MAP4: variants seen among roughly 807,000 people sequenced by gnomAD.
The protein encoded by MAP4 is microtubule associated protein 4.
A neutral mutation model predicts 170.2 loss-of-function variants in MAP4; 76 were observed. The ratio of observed to expected loss-of-function variants is 0.45; its 90% CI spans 0.37 to 0.54. The LOEUF (loss-of-function observed/expected upper bound fraction) is 0.54, where lower values mean the gene tolerates loss of function less well. Among genes scored for constraint, MAP4 ranks in the 20% least tolerant of loss-of-function variants. MAP4 has a pLI of 0.00. For synonymous variants in MAP4, 909 were observed against 994.5 expected (o/e 0.91, Z 1.62); for missense variants, 2,506 against 2,748.0 (o/e 0.91, Z 1.97).
intron 10 of MAP4, among the ~76,000 whole-genome samples, chr3:47,896,576 T>A (rs886684396): frequency 6.6e-6 from 1 of 152,050 alleles, no homozygotes; most frequent in African/African-American, 2.4e-5. Context: ...CATATATATA[T>A]ATGAAGTAGG....
At chr3:47,993,453 G>C (rs2100093599) in intron 2 of MAP4, among the ~76,000 whole-genome samples, 1 of 152,170 alleles carries the variant, frequency 6.6e-6, no homozygotes, top group Non-Finnish European at 1.5e-5. Flanking sequence ...TTGACAATTA[G>C]CAGAAACAAT....
chr3:47,924,543 G>A (rs2100044728), intron 4 of MAP4, among the ~76,000 whole-genome samples: 2 of 152,060 alleles, frequency 1.3e-5, no homozygotes. Flanking sequence ...CAACCCATCA[G>A]AAAATCCATT....
chr3:47,912,591 A>G (rs2100036561), intron 8 of MAP4, among the ~76,000 whole-genome samples, 170 bp from the exon 9 acceptor site: 1 of 152,218 alleles, frequency 6.6e-6, no homozygotes, highest in Non-Finnish European at 1.5e-5. Context: ...TTTCTAAAAC[A>G]TTTCTCACTT....
chr3:47,948,357 T>C (rs536070053), intron 3 of MAP4, among the ~76,000 whole-genome samples: 2 of 150,628 alleles, frequency 1.3e-5, no homozygotes, highest in African/African-American at 4.9e-5. Flanking sequence ...CCTCAACATA[T>C]GGAGTAGCTG....
chr3:47,955,698 C>A (rs2100067433), intron 3 of MAP4, among the ~76,000 whole-genome samples: 1 of 152,090 alleles, frequency 6.6e-6, no homozygotes, highest in Admixed American at 6.6e-5. Flanking sequence ...ATTAACATCA[C>A]CAACAATGAA....
chr3:47,957,131 G>A lies in MAP4; in HGVS notation c.292+20734C>T, dbSNP rs2100068296. 3.3e-5 allele frequency among the ~76,000 whole-genome samples: 5 copies of A among 152,204 alleles called. No homozygotes were observed. The South Asian group carries it at 1.0e-3, about 32-fold the overall frequency. On this transcript the variant is annotated intron_variant, in intron 3 of 20. Transcript: ENST00000683076. ...CCACCACCCATGAACTTATATATAA[G>A]TGCCCAATCTACCACCATGACATTC...
chr3:48,041,552 T>C (rs1261930260), intron 1 of MAP4, among the ~76,000 whole-genome samples: 2 of 152,218 alleles, frequency 1.3e-5, no homozygotes, highest in Non-Finnish European at 2.9e-5. Flanking sequence ...CTTCCCAAAC[T>C]GATCTACAGA....
intron 7 of MAP4, among the ~76,000 whole-genome samples, chr3:47,915,435 T>C (rs537318234): frequency 6.6e-6 from 1 of 151,944 alleles, no homozygotes; most frequent in South Asian, 2.1e-4. Flanking sequence ...TTTTTTAAGA[T>C]GGGAAAAATA....
At chr3:47,951,485 G>A (rs531740234) in intron 3 of MAP4, among the ~76,000 whole-genome samples, 3 of 152,166 alleles carry the variant, frequency 2.0e-5, no homozygotes, top group African/African-American at 2.4e-5. Context: ...TAGTGCCTGC[G>A]ATTGCAGACG....
chr3:47,916,604 T>G lies in MAP4; in HGVS notation c.1223A>C (p.Lys408Thr), dbSNP rs1161270891. Residue 408 changes from lysine (K) to threonine (T), a missense_variant, in exon 7 of 21, where the codon AAG (lysine) becomes ACG (threonine). By Grantham distance (78) the Lys-to-Thr change is moderately conservative (BLOSUM62 -1). Around this residue, in one of 3 missense-constraint regions of MAP4, gnomAD observed 2,008 missense variants for 2,206.0 expected, o/e 0.91. Transcript: ENST00000683076. ...PPKENKIVPA[K>T]DLVLLSEIEV... Reference sequence around the variant, plus strand: ...TATTTCTGAGAGTAATACCAAATCCTTGGCTGGGACTATCTTGTTTTCTTT... The same window carrying G: ...TATTTCTGAGAGTAATACCAAATCCGTGGCTGGGACTATCTTGTTTTCTTT... 1 of 1,614,156 alleles carries G rather than the reference T, an allele frequency of 6.2e-7. No homozygotes were observed. The highest frequency in any genetic ancestry group is 8.5e-7 in the Non-Finnish European group (1 of 1,180,056).
chr3:47,973,641 T>C, intron 3 of MAP4: 3 of 985,410 alleles, frequency 3.0e-6, no homozygotes, highest in Non-Finnish European at 3.6e-6. Context: ...ATGTCAATCA[T>C]GAAGTGTGAG....
At chr3:47,998,607 CAT>C (rs769351974) in intron 2 of MAP4, 29 bp downstream of exon 2, 1 of 1,531,858 alleles carries the variant, frequency 6.5e-7, no homozygotes, top group Non-Finnish European at 9.0e-7. Flanking sequence ...GCTTTCTGAA[CAT>C]ATATAAGCAG....
At chr3:48,003,558 T>C (rs1262291524) in intron 1 of MAP4, among the ~76,000 whole-genome samples, 1 of 151,750 alleles carries the variant, frequency 6.6e-6, no homozygotes, top group Non-Finnish European at 1.5e-5. Flanking sequence ...TTGAGAAGCT[T>C]TGCATTCTCG....
chr3:48,081,275 G>A (rs2154570433), intron 1 of MAP4, among the ~76,000 whole-genome samples: 1 of 151,950 alleles, frequency 6.6e-6, no homozygotes, highest in African/African-American at 2.4e-5. Flanking sequence ...GGGAAACAGC[G>A]AGACTCCATC....
In MAP4 at chr3:48,074,679, TGTG is replaced by T. The variant is rs1559906057; in HGVS notation, c.-20+14091_-20+14093del. On this transcript the variant is annotated intron_variant, in intron 1 of 18. Coordinates refer to the MAP4 transcript ENST00000360240. ...GCAAGCCACCACATCCAGCTAATTG[TGTG>T]TGTGTGTGTGTGTGTGTGTGTGTGT... Among the ~76,000 whole-genome samples the T allele has an allele frequency of 1.8e-3, 226 of 125,422 alleles. 3 individuals are homozygous for T. The highest frequency in any genetic ancestry group is 4.8e-3 in the African/African-American group (170 of 35,224). The allele number at this position is 125,422 out of a possible 152,430, so 82.3% of individuals were successfully genotyped here. A position where few individuals can be genotyped will look rare whatever the true frequency, so the allele number is the denominator to read the frequency against.
At chr3:48,008,261 T>A (rs922833732) in intron 1 of MAP4, among the ~76,000 whole-genome samples, 1 of 152,226 alleles carries the variant, frequency 6.6e-6, no homozygotes, top group Admixed American at 6.5e-5. Context: ...CCTGCACTGA[T>A]GGCCTCATGG....
chr3:47,853,141 T>A, intron 20 of MAP4, 22 bp downstream of exon 20: 1 of 1,608,536 alleles, frequency 6.2e-7, no homozygotes, highest in East Asian at 2.2e-5. Flanking sequence ...GGCTGGCCCT[T>A]AGGCCGAGCC....
chr3:48,018,537 G>A (rs2100108937), upstream of MAP4, among the ~76,000 whole-genome samples: 1 of 152,162 alleles, frequency 6.6e-6, no homozygotes, highest in Non-Finnish European at 1.5e-5. Flanking sequence ...GGTGGCTCAT[G>A]CTTGTAATCC....
intron 1 of MAP4, among the ~76,000 whole-genome samples, chr3:48,008,567 T>C (rs937172872): frequency 3.3e-5 from 5 of 152,182 alleles, no homozygotes; most frequent in African/African-American, 7.2e-5. Context: ...AGGAGCATGA[T>C]TGGAAACTTG....
Sources: allele counts gnomAD v4.1 joint callset (sites outside exome capture counted in the v4.1 genomes callset), GRCh38; gene constraint gnomAD v4.1.1; regional missense constraint gnomAD v4.1.1; transcripts MANE v1.5; gene names NCBI Gene and HGNC (gene_info 2026-07-23, HGNC 2026-07-21).